The following ADGRL2 variants were observed in gnomAD, a reference collection of about 807,000 sequenced individuals.
The protein encoded by ADGRL2 is adhesion G protein-coupled receptor L2, also known as calcium-independent alpha-latrotoxin receptor 2.
In ADGRL2, 44 loss-of-function variants were observed where a neutral mutation model predicts 157.4. The observed-to-expected ratio is 0.28, with a 90% CI of 0.22 to 0.36. ADGRL2 has a LOEUF of 0.36. ADGRL2 is among the 10% of genes least tolerant of loss of function. The probability of loss-of-function intolerance (pLI) is 1.00; values close to 1 mark genes in which losing one functional copy is unlikely to be tolerated. For synonymous variants in ADGRL2, 585 were observed against 624.7 expected (o/e 0.94, Z 0.95); for missense variants, 1,510 against 1,768.9 (o/e 0.85, Z 2.63).
chr1:81,461,094 A>C (rs1429086835), intron 2 of ADGRL2, among the ~76,000 whole-genome samples: 1 of 151,940 alleles, frequency 6.6e-6, no homozygotes, highest in Non-Finnish European at 1.5e-5. Flanking sequence ...GATCAAACAT[A>C]ATCCAGATGT....
In ADGRL2 at chr1:81,952,115, A is replaced by G. The variant is rs2149087091; in HGVS notation, c.1767A>G (p.Lys589=). Residue 589 remains lysine (K), a synonymous_variant, in exon 9 of 24, where the codon AAA becomes AAG. Transcript: ENST00000686636. ...AQLQELKPSE[K]DSAGRSYNKL... is the part of the protein sequence containing the mutation. ...TGCAGGAACTGAAACCTAGTGAAAA[A>G]GATTCAGCTGGACGGAGTTATAACA... The G allele has an allele frequency of 6.2e-7, 1 of 1,612,548 alleles. No homozygotes were observed. The highest frequency in any genetic ancestry group is 8.5e-7 in the Non-Finnish European group (1 of 1,179,072).
At chr1:81,388,362 G>A (rs936622109) in intron 1 of ADGRL2, among the ~76,000 whole-genome samples, 2 of 152,172 alleles carry the variant, frequency 1.3e-5, no homozygotes, top group African/African-American at 4.8e-5. Flanking sequence ...TTCAAATCAA[G>A]TTCATAGATT....
intron 1 of ADGRL2, among the ~76,000 whole-genome samples, chr1:81,434,473 C>T (rs4233112): frequency 0.9 from 136,563 of 152,088 alleles, 61,795 homozygotes; most frequent in East Asian, 0.99. Context: ...AGGAACTGCT[C>T]TTCTAGGGCC....
intron 1 of ADGRL2, among the ~76,000 whole-genome samples, chr1:81,348,314 T>G (rs1662627915): frequency 6.6e-6 from 1 of 152,154 alleles, no homozygotes; most frequent in Non-Finnish European, 1.5e-5. Context: ...CATCCCTGAT[T>G]TAATTCAGAT....
Position 81,981,831 on chromosome 1 carries a change from C to T in ADGRL2, c.3137C>T (p.Ala1046Val). 6.2e-7 allele frequency: 1 copy of T among 1,609,062 alleles called. No homozygotes were observed. The change falls in exon 19 of 24, where the codon GCT (alanine) becomes GTT (valine). Residue 1046 changes from alanine (A) to valine (V), a missense_variant. By Grantham distance (64) the Ala-to-Val change is moderately conservative. This residue lies in a region of ADGRL2 where 497 missense variants were observed against 627.2 expected (regional missense o/e 0.79). Coordinates refer to ENST00000686636, the MANE Select transcript of ADGRL2 (RefSeq NM_001366006.2). The stretch of plus-strand genomic sequence containing the variant: ...AGGTCTTGGGTGCTTGGCGCTTTCG[C>T]TCTTCTGTGTCTTCTTGGCCTCACC... ...NIKSWVLGAFALLCLLGLTWS... is the reference protein window; with the variant it reads ...NIKSWVLGAFVLLCLLGLTWS...
chr1:81,852,419 C>G (rs1161009232), intron 2 of ADGRL2, among the ~76,000 whole-genome samples: 1 of 151,972 alleles, frequency 6.6e-6, no homozygotes, highest in Non-Finnish European at 1.5e-5. Flanking sequence ...TGAATCTAAT[C>G]TGAGATGTAT....
intron 2 of ADGRL2, among the ~76,000 whole-genome samples, chr1:81,522,140 T>C (rs867741081): frequency 9.9e-5 from 15 of 152,006 alleles, no homozygotes; most frequent in Non-Finnish European, 1.2e-4. Flanking sequence ...AATTTTTGTA[T>C]TTGTAGTAGA....
Position 81,956,039 on chromosome 1 carries a change from T to C in ADGRL2, c.1996T>C (p.Ser666Pro), listed in dbSNP as rs1455362630. ...CAATCTTTTAGAACCAACAAGGGTC[T>C]CAATGCCCACAGAAAATATTGGTAA... The part of the protein sequence containing the change: ...ADNLLEPTRV[S>P]MPTENIVLEV... Residue 666 changes from serine (S) to proline (P), a missense_variant, in exon 11 of 24, where the codon TCA becomes CCA. By Grantham distance (74) the Ser-to-Pro change is moderately conservative. Transcript: ENST00000686636. 1 of 1,598,412 alleles carries C rather than the reference T, an allele frequency of 6.3e-7. No individual in the cohort carries two copies. Among genetic ancestry groups the C allele is most frequent in the Admixed American group, 1.8e-5 (1 of 56,232 alleles).
chr1:81,857,349 A>G (rs1358081804), intron 2 of ADGRL2, among the ~76,000 whole-genome samples: 1 of 152,228 alleles, frequency 6.6e-6, no homozygotes, highest in Non-Finnish European at 1.5e-5. Context: ...TTAGCAACGC[A>G]TATATATGTA....
chr1:81,464,896 C>T (rs1252437988), intron 2 of ADGRL2, among the ~76,000 whole-genome samples: 1 of 144,298 alleles, frequency 6.9e-6, no homozygotes, highest in Non-Finnish European at 1.5e-5. Context: ...GAAGAGAAGG[C>T]TGTAGTCTTC....
rs573048862 is a variant in ADGRL2, at chr1:81,820,933, A to G, written c.-100-15952A>G. Among the ~76,000 whole-genome samples, 9 of 152,252 alleles carry G rather than the reference A, an allele frequency of 5.9e-5. No individual in the cohort carries two copies. In the East Asian group the frequency reaches 1.7e-3, roughly 29 times the overall value. ...TCCCTGCCCCCAAATCATGCCAAGC[A>G]TTAGGATCCGCCCATGTATTAACAG... On this transcript the variant is annotated intron_variant, in intron 1 of 23. Coordinates refer to ENST00000686636, the MANE Select transcript of ADGRL2 (RefSeq NM_001366006.2).
In ADGRL2 at chr1:81,627,587, G is replaced by A. The variant is rs531412604; in HGVS notation, c.-143+46607G>A. Among the ~76,000 whole-genome samples, 11 of 151,830 alleles carry A rather than the reference G, an allele frequency of 7.2e-5. No homozygotes were observed. In the South Asian group the frequency reaches 1.5e-3, roughly 20 times the overall value. Reference sequence around the variant, plus strand: ...ATGTACTATTATTACCTCTATTTTCGCTATGAAGAAGCTGAGGCTCAGAAA... The same window carrying A: ...ATGTACTATTATTACCTCTATTTTCACTATGAAGAAGCTGAGGCTCAGAAA... On this transcript the variant is annotated intron_variant, in intron 3 of 24. Transcript: ENST00000370721.
chr1:81,370,753 T>A (rs1038498846), intron 1 of ADGRL2, among the ~76,000 whole-genome samples: 8 of 152,150 alleles, frequency 5.3e-5, no homozygotes, highest in African/African-American at 1.9e-4. Flanking sequence ...TAAAATCATC[T>A]CATTCCTCAT....
chr1:81,913,866 G>A (rs1463575303), intron 3 of ADGRL2, among the ~76,000 whole-genome samples: 1 of 152,102 alleles, frequency 6.6e-6, no homozygotes, highest in African/African-American at 2.4e-5. Context: ...GCATGAAAAT[G>A]TATTCATAAA....
At chr1:81,893,898 A>G (rs1187149397) in intron 2 of ADGRL2, among the ~76,000 whole-genome samples, 1 of 152,196 alleles carries the variant, frequency 6.6e-6, no homozygotes, top group Non-Finnish European at 1.5e-5. Context: ...TTAAAAATTG[A>G]ACAAACCTCA....
At chr1:81,809,961 A>G (rs1287788562) in intron 1 of ADGRL2, among the ~76,000 whole-genome samples, 2 of 151,894 alleles carry the variant, frequency 1.3e-5, no homozygotes, top group East Asian at 3.9e-4. Flanking sequence ...TTTTTACATC[A>G]GTCCACACCT....
chr1:81,580,564 A>T (rs1249568870), intron 2 of ADGRL2, among the ~76,000 whole-genome samples: 1 of 152,084 alleles, frequency 6.6e-6, no homozygotes, highest in Admixed American at 6.6e-5. Context: ...GCTGACTGAA[A>T]TATGGTCTAT....
At position 81,990,406 on chromosome 1, in the gene ADGRL2, A is replaced by G; in HGVS notation, c.3671A>G (p.Asn1224Ser). 6.2e-7 allele frequency: 1 copy of G among 1,613,644 alleles called. No individual in the cohort carries two copies. ...TCTGTTTCAGGACATTCACTGAACA[A>G]TGCCAGGGATACAAGTGCCATGGAT... The part of the protein sequence containing the change: ...TYRETRHSLN[N>S]ARDTSAMDTL... The change falls in exon 24 of 24, where the codon AAT becomes AGT. Residue 1224 changes from asparagine to serine, a missense_variant. Transcript: ENST00000686636.
chr1:81,760,655 T>C (rs1194441160), intron 1 of ADGRL2, among the ~76,000 whole-genome samples: 1 of 151,944 alleles, frequency 6.6e-6, no homozygotes, highest in Non-Finnish European at 1.5e-5. Flanking sequence ...AGCTGCCACA[T>C]TTGAGCTTAG....
Sources: allele counts gnomAD v4.1 joint callset (sites outside exome capture counted in the v4.1 genomes callset), GRCh38; gene constraint gnomAD v4.1.1; regional missense constraint gnomAD v4.1.1; transcripts MANE v1.5; gene names NCBI Gene and HGNC (gene_info 2026-07-23, HGNC 2026-07-21).